Variants in PDE1C observed in about 807,000 individuals in gnomAD.
The protein encoded by PDE1C is phosphodiesterase 1C.
A neutral mutation model predicts 93.1 loss-of-function variants in PDE1C; 62 were observed. The observed-to-expected ratio is 0.67, with a 90% CI of 0.54 to 0.82. The LOEUF (loss-of-function observed/expected upper bound fraction) is 0.82, where lower values mean the gene tolerates loss of function less well. PDE1C is among the 40% of genes least tolerant of loss of function. The probability of loss-of-function intolerance (pLI) is 0.00; values close to 1 mark genes in which losing one functional copy is unlikely to be tolerated. For missense variants in PDE1C, 742 were observed against 884.6 expected, an observed-to-expected ratio of 0.84 and a Z score of 2.04; for synonymous variants, 325 against 310.1, an observed-to-expected ratio of 1.05 and a Z score of -0.50.
At chr7:31,741,730 A>G in the PDE1C span, among the ~76,000 whole-genome samples, 3 of 152,162 alleles carry the variant, frequency 2.0e-5, no homozygotes, top group Non-Finnish European at 4.4e-5. Context: ...GTGGCTCATC[A>G]TAGGGATCAG....
At chr7:32,277,699 C>A (rs1167167359) in intron 1 of PDE1C, among the ~76,000 whole-genome samples, 1 of 152,186 alleles carries the variant, frequency 6.6e-6, no homozygotes, top group Non-Finnish European at 1.5e-5. Flanking sequence ...CCTCCTCTTT[C>A]ATTCCTCAGC....
the PDE1C span, among the ~76,000 whole-genome samples, chr7:31,667,142 G>A: frequency 2.0e-5 from 3 of 152,216 alleles, no homozygotes; most frequent in African/African-American, 4.8e-5. Flanking sequence ...GGGGCACAAG[G>A]GTGGTCATAC....
chr7:31,736,668 T>C, the PDE1C span, among the ~76,000 whole-genome samples: 1 of 152,240 alleles, frequency 6.6e-6, no homozygotes, highest in Non-Finnish European at 1.5e-5. Context: ...TTCAATGTGT[T>C]GTGATCCTTC....
At chr7:31,624,337 C>T in the PDE1C span, among the ~76,000 whole-genome samples, 1 of 145,504 alleles carries the variant, frequency 6.9e-6, no homozygotes, top group African/African-American at 2.6e-5. Flanking sequence ...CAAAAGAACA[C>T]AGCTGGAGGC....
At chr7:32,099,596 C>T (rs1350419072) in intron 3 of PDE1C, among the ~76,000 whole-genome samples, 1 of 152,178 alleles carries the variant, frequency 6.6e-6, no homozygotes, top group Non-Finnish European at 1.5e-5. Context: ...ACCCAACAAA[C>T]CTACCTCTCT....
At chr7:32,310,061 C>A (rs1304954155) in intron 1 of PDE1C, among the ~76,000 whole-genome samples, 1 of 151,778 alleles carries the variant, frequency 6.6e-6, no homozygotes, top group African/African-American at 2.4e-5. Flanking sequence ...GGAAGATCTA[C>A]CAAGCAAATG....
At chr7:31,938,101 T>C (rs1007602565) in intron 2 of PDE1C, among the ~76,000 whole-genome samples, 1 of 152,126 alleles carries the variant, frequency 6.6e-6, no homozygotes, top group African/African-American at 2.4e-5. Context: ...TGATTGAGCT[T>C]TCTGTATAAT....
chr7:32,378,628 T>C (rs1039801059), intron 1 of PDE1C, among the ~76,000 whole-genome samples: 16 of 152,154 alleles, frequency 1.1e-4, no homozygotes, highest in East Asian at 3.9e-4. Context: ...TTTTGAGATG[T>C]CTTTTCAGTG....
chr7:32,053,308 CA>C (rs1483614487), intron 1 of PDE1C, among the ~76,000 whole-genome samples: 4 of 152,176 alleles, frequency 2.6e-5, no homozygotes, highest in Non-Finnish European at 4.4e-5. Flanking sequence ...ATACTCTCCC[CA>C]AAAGCTATGA....
intron 1 of PDE1C, among the ~76,000 whole-genome samples, chr7:32,280,260 AT>A (rs1811543227): frequency 6.6e-6 from 1 of 152,232 alleles, no homozygotes; most frequent in South Asian, 2.1e-4. Context: ...AAGCAGTAAA[AT>A]TGATAGTGAA....
At chr7:31,647,366 A>G in the PDE1C span, among the ~76,000 whole-genome samples, 4 of 152,214 alleles carry the variant, frequency 2.6e-5, no homozygotes, top group Non-Finnish European at 1.5e-5. Context: ...GACATCTCTT[A>G]GAAGATAATG....
At chr7:32,341,992 A>G (rs1167823501) in intron 1 of PDE1C, among the ~76,000 whole-genome samples, 1 of 152,230 alleles carries the variant, frequency 6.6e-6, no homozygotes, top group African/African-American at 2.4e-5. Context: ...CATTTAGCAT[A>G]GTTAGTATCT....
Position 31,754,206 on chromosome 7 carries a change from A to G in PDE1C, c.1961-653T>C, listed in dbSNP as rs151323743. Among the ~76,000 whole-genome samples the G allele has an allele frequency of 1.9e-3, 295 of 152,348 alleles. 1 individual carries two copies. Among genetic ancestry groups the G allele is most frequent in the Middle Eastern group, 6.8e-3 (2 of 294 alleles). On this transcript the variant is annotated intron_variant, in intron 17 of 17. Coordinates refer to ENST00000396191, the MANE Select transcript of PDE1C (RefSeq NM_001191057.4). ...ACTATATGCTACTACACACCTCCAC[A>G]ATGCTAAAATCTAAAAAACTTGACA...
At chr7:32,231,369 T>C (rs13246764) in intron 1 of PDE1C, among the ~76,000 whole-genome samples, 15,981 of 152,030 alleles carry the variant, frequency 0.11, 900 homozygotes, top group East Asian at 0.13. Context: ...TAACAGTATA[T>C]AGAAAACTAT....
rs544010125 is a variant in PDE1C at position 32,363,556 on chromosome 7, G to A, written c.310+64266C>T. On this transcript the variant is annotated intron_variant, in intron 1 of 1. Coordinates refer to the PDE1C transcript ENST00000672256. ...AAAATGTATTTAAAGAAATAACTTC[G>A]ATTGCTTTCCACACTTACAGGAAGA... Among the ~76,000 whole-genome samples the A allele has an allele frequency of 2.0e-5, 3 of 152,218 alleles. No individual in the cohort carries two copies. The South Asian group carries it at 6.2e-4, about 32-fold the overall frequency.
At chr7:31,900,836 A>T (rs1472733983) in intron 2 of PDE1C, among the ~76,000 whole-genome samples, 1 of 151,864 alleles carries the variant, frequency 6.6e-6, no homozygotes, top group African/African-American at 2.4e-5. Context: ...AGTTCTTCAG[A>T]TTCATGCTAC....
At chr7:32,306,614 A>C (rs960480216) in intron 1 of PDE1C, among the ~76,000 whole-genome samples, 1 of 152,204 alleles carries the variant, frequency 6.6e-6, no homozygotes, top group Admixed American at 6.5e-5. Context: ...AGATCTTTTT[A>C]AATAAAAATG....
At chr7:31,720,062 C>CT in the PDE1C span, among the ~76,000 whole-genome samples, 2 of 147,010 alleles carry the variant, frequency 1.4e-5, no homozygotes, top group African/African-American at 5.0e-5. Flanking sequence ...ACTCGGGAGG[C>CT]TGAGGCAGGA....
intron 16 of PDE1C, chr7:31,786,987 C>T (rs565272488): frequency 2.3e-4 from 35 of 151,686 alleles, no homozygotes; most frequent in Middle Eastern, 3.4e-3. Flanking sequence ...TACCTACCTA[C>T]CTATCTAAGG....
Sources: gnomAD v4.1 joint callset for allele counts (sites outside exome capture counted in the v4.1 genomes callset) on GRCh38, gnomAD v4.1.1 for gene constraint, MANE v1.5 for transcripts, NCBI Gene and HGNC (gene_info 2026-07-23, HGNC 2026-07-21) for gene names.